The following MARCHF10 variants were observed in gnomAD, a reference collection of about 807,000 sequenced individuals.
MARCHF10 encodes probable E3 ubiquitin-protein ligase MARCHF10.
A neutral mutation model predicts 76.2 loss-of-function variants in MARCHF10; 64 were observed. That is an observed-to-expected ratio of 0.84 (90% confidence interval 0.69 to 1.03). The LOEUF is 1.03. Ranked by LOEUF, MARCHF10 falls within the 50% of genes least tolerant of loss-of-function variation. The pLI is 0.00. For missense variants in MARCHF10, 875 were observed against 958.0 expected, an observed-to-expected ratio of 0.91 and a Z score of 1.14; for synonymous variants, 340 against 357.5, an observed-to-expected ratio of 0.95 and a Z score of 0.55.
At chr17:62,805,375 T>C (rs1174986546) in intron 1 of MARCHF10, among the ~76,000 whole-genome samples, 5 of 152,202 alleles carry the variant, frequency 3.3e-5, no homozygotes, top group South Asian at 2.1e-4. Flanking sequence ...CTGAATCTTA[T>C]TCAGGCAGAG....
At chr17:62,723,869 T>C (rs2090621708) in intron 7 of MARCHF10, among the ~76,000 whole-genome samples, 1 of 152,158 alleles carries the variant, frequency 6.6e-6, no homozygotes, top group Non-Finnish European at 1.5e-5. Flanking sequence ...TCTTGATCAG[T>C]GGACTTATAT....
rs140348805 is a variant in MARCHF10, at chr17:62,753,094, T to TTC, written c.382+6739_382+6740dup. Reference sequence around the variant, plus strand: ...CTGACCCTAAACCAGAAACCAGAGCTTCTCTCTCTCTCTCTCTCTTTTTGA... The same window carrying TTC: ...CTGACCCTAAACCAGAAACCAGAGCTTCTCTCTCTCTCTCTCTCTCTTTTTGA... On this transcript the variant is annotated intron_variant, in intron 4 of 10. Coordinates refer to ENST00000311269, the MANE Select transcript of MARCHF10 (RefSeq NM_152598.4). Among the ~76,000 whole-genome samples the TTC allele has an allele frequency of 2.3e-4, 34 of 150,446 alleles. 1 individual carries two copies. The highest frequency in any genetic ancestry group is 2.1e-3 in the East Asian group (11 of 5,138).
At chr17:62,757,196 T>C (rs2092071697) in intron 4 of MARCHF10, among the ~76,000 whole-genome samples, 1 of 152,182 alleles carries the variant, frequency 6.6e-6, no homozygotes, top group African/African-American at 2.4e-5. Flanking sequence ...TTCTGTAGCC[T>C]ATTAGGCAGA....
Position 62,788,563 on chromosome 17 carries a change from T to C in MARCHF10, c.127A>G (p.Asn43Asp), listed in dbSNP as rs1286049797. The C allele has an allele frequency of 6.2e-7, 1 of 1,614,058 alleles. No homozygotes were observed. Among genetic ancestry groups the C allele is most frequent in the Non-Finnish European group, 8.5e-7 (1 of 1,179,978 alleles). The part of the protein sequence containing the change: ...LRRQEYRRDP[N>D]EKKRDQFWGQ... Reference sequence around the variant, plus strand: ...CAAAACTGATCGCGTTTCTTCTCATTTGGGTCTCTTCTATATTCCTGTCGT... The same window carrying C: ...CAAAACTGATCGCGTTTCTTCTCATCTGGGTCTCTTCTATATTCCTGTCGT... The change falls in exon 3 of 11, where the codon AAT becomes GAT. Residue 43 changes from asparagine (N) to aspartate (D), a missense_variant. By Grantham distance (23) the Asn-to-Asp change is conservative. Transcript: ENST00000311269.
intron 3 of MARCHF10, among the ~76,000 whole-genome samples, chr17:62,781,454 G>A (rs1291705994): frequency 6.6e-6 from 1 of 152,208 alleles, no homozygotes; most frequent in African/African-American, 2.4e-5. Context: ...ATTGTAATGA[G>A]AGGCAGAGCT....
chr17:62,772,061 G>A lies in MARCHF10; in HGVS notation c.211-12055C>T, dbSNP rs555752825. Among the ~76,000 whole-genome samples, 4 of 152,256 alleles carry A rather than the reference G, an allele frequency of 2.6e-5. No individual in the cohort carries two copies. The South Asian group carries it at 8.3e-4, about 32-fold the overall frequency. On this transcript the variant is annotated intron_variant, in intron 3 of 10. Transcript: ENST00000311269. ...AAGGACTTGGTGACGAATTCAGTGC[G>A]GGGGGAGATGGAGAGAAAATGTCCC...
chr17:62,785,898 G>C (rs1463105474), intron 3 of MARCHF10, among the ~76,000 whole-genome samples: 1 of 152,166 alleles, frequency 6.6e-6, no homozygotes, highest in Non-Finnish European at 1.5e-5. Flanking sequence ...AGAGGAAGTG[G>C]AGAAATAGGA....
chr17:62,796,964 A>G lies in MARCHF10; in HGVS notation c.90+4682T>C, dbSNP rs369338531. Among the ~76,000 whole-genome samples, 14 of 152,018 alleles carry G rather than the reference A, an allele frequency of 9.2e-5. 1 individual carries two copies. Among genetic ancestry groups the G allele is most frequent in the East Asian group, 7.7e-4 (4 of 5,166 alleles). On this transcript the variant is annotated intron_variant, in intron 2 of 10. Transcript: ENST00000311269. ...GTTGTGACTGCACCACTGCACCCCGACCTGGGCAACCACTGCACCCCCACC... is the reference window on the plus strand; with the variant it reads ...GTTGTGACTGCACCACTGCACCCCGGCCTGGGCAACCACTGCACCCCCACC...
intron 6 of MARCHF10, chr17:62,725,879 T>C (rs186431379): frequency 6.6e-6 from 1 of 152,372 alleles, no homozygotes; most frequent in Admixed American, 6.5e-5. Flanking sequence ...ATGAGGGTCA[T>C]GGTGATAACA....
At chr17:62,768,542 T>C (rs970588074) in intron 3 of MARCHF10, among the ~76,000 whole-genome samples, 1 of 152,208 alleles carries the variant, frequency 6.6e-6, no homozygotes, top group East Asian at 1.9e-4. Context: ...CCATTTATAC[T>C]GTTTTACTTA....
At chr17:62,800,787 T>C (rs1180185016) in intron 2 of MARCHF10, among the ~76,000 whole-genome samples, 1 of 152,124 alleles carries the variant, frequency 6.6e-6, no homozygotes, top group African/African-American at 2.4e-5. Flanking sequence ...GTCTGGCAAG[T>C]TTGTCCTATG....
At chr17:62,775,815 A>T (rs927980367) in intron 3 of MARCHF10, among the ~76,000 whole-genome samples, 8 of 150,656 alleles carry the variant, frequency 5.3e-5, no homozygotes, top group African/African-American at 1.9e-4. Flanking sequence ...CGTCTTTTCA[A>T]TTATTTATTT....
intron 4 of MARCHF10, among the ~76,000 whole-genome samples, chr17:62,746,040 G>T (rs2091692150): frequency 6.6e-6 from 1 of 152,198 alleles, no homozygotes; most frequent in South Asian, 2.1e-4. Context: ...GCCTTTTTTG[G>T]CACATGAGGC....
chr17:62,701,784 C>T, intron 10 of MARCHF10, 26 bp from the exon 11 acceptor site: 1 of 1,613,790 alleles, frequency 6.2e-7, no homozygotes, highest in Non-Finnish European at 8.5e-7. Flanking sequence ...GTGTTTCAGG[C>T]TGGAGGGCCG....
chr17:62,805,713 A>G (rs774377926), intron 1 of MARCHF10, among the ~76,000 whole-genome samples: 58 of 152,090 alleles, frequency 3.8e-4, no homozygotes, highest in Non-Finnish European at 7.8e-4. Context: ...GGAGTTCGAG[A>G]TCGGCCTGGC....
intron 6 of MARCHF10, among the ~76,000 whole-genome samples, chr17:62,731,044 G>A (rs1451643114): frequency 1.3e-5 from 2 of 152,170 alleles, no homozygotes; most frequent in East Asian, 3.8e-4. Context: ...ATATATGAAA[G>A]GAGAATATAA....
chr17:62,740,659 T>C (rs1246642393), intron 5 of MARCHF10, among the ~76,000 whole-genome samples: 1 of 146,506 alleles, frequency 6.8e-6, no homozygotes, highest in African/African-American at 2.5e-5. Context: ...TTTTTCTTAC[T>C]TTTTTTTTTT....
At chr17:62,741,509 G>C (rs763257925) in intron 5 of MARCHF10, among the ~76,000 whole-genome samples, 4 of 152,124 alleles carry the variant, frequency 2.6e-5, no homozygotes, top group Non-Finnish European at 4.4e-5. Context: ...CAGTGCCCAG[G>C]AATGTTCGTT....
rs1247212933 is a variant in MARCHF10, at chr17:62,738,456, C to G, written c.536-1124G>C. 6.6e-6 allele frequency among the ~76,000 whole-genome samples: 1 copy of G among 152,088 alleles called. No individual in the cohort carries two copies. The highest frequency in any genetic ancestry group is 1.9e-4 in the East Asian group (1 of 5,180). On this transcript the variant is annotated intron_variant, in intron 5 of 10. Transcript: ENST00000311269. The surrounding 1 kb of genome is among the most constrained non-coding windows in gnomAD (Gnocchi z 4.0). ...CTTTATTCCCTCCTGACATCGGCCT[C>G]CCCCCGCTTTGTTCTCCTCTCTGCT...
Sources: allele counts gnomAD v4.1 joint callset (sites outside exome capture counted in the v4.1 genomes callset), GRCh38; gene constraint gnomAD v4.1.1; non-coding constraint Gnocchi (gnomAD v3.1); transcripts MANE v1.5; gene names NCBI Gene and HGNC (gene_info 2026-07-23, HGNC 2026-07-21).